Variants in PLPP1 observed in about 807,000 individuals in gnomAD.
The protein encoded by PLPP1 is phospholipid phosphatase 1.
A neutral mutation model predicts 31.2 loss-of-function variants in PLPP1; 24 were observed. The observed-to-expected ratio is 0.77, with a 90% CI of 0.56 to 1.08. The LOEUF is 1.08. Ranked by LOEUF, PLPP1 falls within the 50% of genes least tolerant of loss-of-function variation. The pLI is 0.00. For synonymous variants in PLPP1, 146 were observed against 126.3 expected (o/e 1.16, Z -1.05); for missense variants, 319 against 342.7 (o/e 0.93, Z 0.55).
intron 3 of PLPP1, among the ~76,000 whole-genome samples, chr5:55,458,174 T>G (rs1310911086): frequency 1.3e-5 from 2 of 152,198 alleles, no homozygotes; most frequent in Non-Finnish European, 2.9e-5. Flanking sequence ...CTTCAAGTTC[T>G]TTATTCATAA....
chr5:55,489,524 G>C lies in PLPP1; in HGVS notation c.59-14074C>G, dbSNP rs111311654. Among the ~76,000 whole-genome samples, 1,047 of 152,192 alleles carry C rather than the reference G, an allele frequency of 6.9e-3. 15 individuals carry two copies. Among genetic ancestry groups the C allele is most frequent in the African/African-American group, 0.022 (933 of 41,526 alleles). On this transcript the variant is annotated intron_variant, in intron 1 of 5. Transcript: ENST00000307259. ...TTTTTCTCATTTTACTCCCATAAAA[G>C]TAGCTATAATCAAATTAGAATTATA...
Position 55,425,862 on chromosome 5 carries a change from C to A in PLPP1, c.726+1G>T, listed in dbSNP as rs764721209. The A allele has an allele frequency of 1.3e-6, 2 of 1,599,264 alleles. No individual in the cohort carries two copies. The highest frequency in any genetic ancestry group is 2.2e-5 in the East Asian group (1 of 44,728). ...TGTAGGCTGTTGACCTGTATACTTA[C>A]AACTAATATTGCAACCAGAGCTCCC... On this transcript the variant is annotated splice_donor_variant, in intron 5 of 5. Coordinates refer to ENST00000307259, the MANE Select transcript of PLPP1 (RefSeq NM_003711.4). LOFTEE classifies it high-confidence loss of function.
In PLPP1 at chr5:55,520,203, T is replaced by C. The variant is rs1039680554; in HGVS notation, c.58+14369A>G. Among the ~76,000 whole-genome samples the C allele has an allele frequency of 2.0e-5, 3 of 152,214 alleles. No individual in the cohort carries two copies. The South Asian group carries it at 6.2e-4, about 31-fold the overall frequency. Reference sequence around the variant, plus strand: ...ATGAGCTGTGGGAATACTGTTCACCTAGAAGTACAATCAAAAGATCTGAGG... The same window carrying C: ...ATGAGCTGTGGGAATACTGTTCACCCAGAAGTACAATCAAAAGATCTGAGG... On this transcript the variant is annotated intron_variant, in intron 1 of 5. Coordinates refer to ENST00000307259, the MANE Select transcript of PLPP1 (RefSeq NM_003711.4).
chr5:55,465,047 GTTT>G (rs11292300), intron 3 of PLPP1, among the ~76,000 whole-genome samples: 3 of 133,992 alleles, frequency 2.2e-5, no homozygotes, highest in East Asian at 2.1e-4. Context: ...GGCGGAGGTG[GTTT>G]TTTTTTTTTT....
At chr5:55,446,204 T>C (rs1044531889) in intron 3 of PLPP1, among the ~76,000 whole-genome samples, 1 of 152,228 alleles carries the variant, frequency 6.6e-6, no homozygotes, top group Non-Finnish European at 1.5e-5. Context: ...TACCTTTCTA[T>C]GGGATGCTGA....
At chr5:55,531,854 T>C (rs1360258499) in intron 1 of PLPP1, among the ~76,000 whole-genome samples, 6 of 152,204 alleles carry the variant, frequency 3.9e-5, no homozygotes, top group African/African-American at 7.2e-5. Context: ...TTGTTAAATG[T>C]AATGTAATCT....
At chr5:55,429,078 ATT>A (rs1751281680) in intron 4 of PLPP1, among the ~76,000 whole-genome samples, 1 of 152,066 alleles carries the variant, frequency 6.6e-6, no homozygotes, top group Admixed American at 6.5e-5. Context: ...GCTGGGCTGT[ATT>A]TTGTCTCTGG....
rs143217170 is a variant in PLPP1, at chr5:55,519,125, G to A, written c.58+15447C>T. ...ATTTGGTTAATAATTATATTCAATG[G>A]CAACACTGAGAACTGCATTCATACT... On this transcript the variant is annotated intron_variant, in intron 1 of 5. Transcript: ENST00000307259. Among the ~76,000 whole-genome samples, 6 of 152,142 alleles carry A rather than the reference G, an allele frequency of 3.9e-5. No individual in the cohort carries two copies. In the East Asian group the frequency reaches 1.2e-3, roughly 29 times the overall value.
intron 1 of PLPP1, among the ~76,000 whole-genome samples, chr5:55,519,617 G>A (rs1339238030): frequency 2.0e-5 from 3 of 151,942 alleles, no homozygotes; most frequent in Non-Finnish European, 4.4e-5. Flanking sequence ...GGGCATGGTG[G>A]TGAGCACCTG....
At chr5:55,460,043 G>A (rs1379770334) in intron 3 of PLPP1, among the ~76,000 whole-genome samples, 2 of 152,116 alleles carry the variant, frequency 1.3e-5, no homozygotes, top group Non-Finnish European at 2.9e-5. Context: ...ATGCATTAAT[G>A]GACTGTTTAC....
At chr5:55,533,279 A>T (rs886256940) in intron 1 of PLPP1, among the ~76,000 whole-genome samples, 1 of 151,106 alleles carries the variant, frequency 6.6e-6, no homozygotes, top group Non-Finnish European at 1.5e-5. Context: ...GCTACTAGAG[A>T]GGCCAAGACA....
At chr5:55,428,047 A>G (rs1751254802) in intron 4 of PLPP1, among the ~76,000 whole-genome samples, 1 of 152,164 alleles carries the variant, frequency 6.6e-6, no homozygotes. Context: ...TCAGCCTCCC[A>G]AAGTGCTGGG....
chr5:55,521,944 C>T (rs1312475742), intron 1 of PLPP1, among the ~76,000 whole-genome samples: 1 of 152,300 alleles, frequency 6.6e-6, no homozygotes, highest in East Asian at 1.9e-4. Context: ...AAGCAGCAAA[C>T]CCATCTCTCC....
chr5:55,525,994 T>C (rs561128512), intron 1 of PLPP1, among the ~76,000 whole-genome samples: 31 of 152,228 alleles, frequency 2.0e-4, no homozygotes, highest in Admixed American at 7.2e-4. Context: ...CATTCCAAAT[T>C]TCTTTCCATA....
chr5:55,464,796 G>T (rs1047756447), intron 3 of PLPP1, among the ~76,000 whole-genome samples: 3 of 152,076 alleles, frequency 2.0e-5, no homozygotes, highest in South Asian at 4.1e-4. Flanking sequence ...TTGACCCTCC[G>T]GTTGCAGATG....
chr5:55,468,837 T>A (rs1485863266), intron 2 of PLPP1, among the ~76,000 whole-genome samples: 3 of 152,036 alleles, frequency 2.0e-5, no homozygotes, highest in Admixed American at 2.0e-4. Context: ...ACATACCTAC[T>A]TCCCCAATCA....
At chr5:55,494,704 T>C (rs1752967839) in intron 1 of PLPP1, among the ~76,000 whole-genome samples, 1 of 152,208 alleles carries the variant, frequency 6.6e-6, no homozygotes, top group African/African-American at 2.4e-5. Context: ...ATCTGTCCCA[T>C]GGCACCATGT....
intron 1 of PLPP1, among the ~76,000 whole-genome samples, chr5:55,511,765 G>A (rs1474242225): frequency 3.5e-5 from 5 of 142,972 alleles, no homozygotes; most frequent in African/African-American, 1.0e-4. Flanking sequence ...CAGGGTTGAC[G>A]CCATTCTCCT....
At chr5:55,491,097 C>G (rs1248393062) in intron 1 of PLPP1, 1 of 1,613,040 alleles carries the variant, frequency 6.2e-7, no homozygotes, top group East Asian at 2.2e-5. Flanking sequence ...AATTTTAGAA[C>G]AGCCATAGGC....
Sources: allele counts gnomAD v4.1 joint callset (sites outside exome capture counted in the v4.1 genomes callset), GRCh38; gene constraint gnomAD v4.1.1; transcripts MANE v1.5; gene names NCBI Gene and HGNC (gene_info 2026-07-23, HGNC 2026-07-21).